Variants in SAP130 observed in about 807,000 individuals in gnomAD.
The protein encoded by SAP130 is Sin3A associated protein 130.
Under a neutral mutation model 103.2 loss-of-function variants are expected in SAP130, and 16 were observed. That is an observed-to-expected ratio of 0.16 (90% confidence interval 0.10 to 0.24). The LOEUF is 0.24. Among genes scored for constraint, SAP130 ranks in the 10% least tolerant of loss-of-function variants. SAP130 has a pLI of 1.00. For missense variants in SAP130, 990 were observed against 1,359.7 expected, an observed-to-expected ratio of 0.73 and a Z score of 4.28; for synonymous variants, 477 against 497.0, an observed-to-expected ratio of 0.96 and a Z score of 0.53.
chr2:127,969,148 G>C (rs1196066587), intron 15 of SAP130, among the ~76,000 whole-genome samples: 1 of 152,178 alleles, frequency 6.6e-6, no homozygotes, highest in Non-Finnish European at 1.5e-5. Flanking sequence ...GACTCAGTGT[G>C]GAGTGGGGTG....
chr2:127,984,115 G>A (rs1682190683), intron 14 of SAP130, among the ~76,000 whole-genome samples: 1 of 151,392 alleles, frequency 6.6e-6, no homozygotes, highest in South Asian at 2.1e-4. Context: ...TTGTCTTTTT[G>A]TTCCACGTTT....
chr2:127,974,889 T>C (rs1170921640), intron 15 of SAP130, among the ~76,000 whole-genome samples: 1 of 152,184 alleles, frequency 6.6e-6, no homozygotes, highest in African/African-American at 2.4e-5. Flanking sequence ...GCCTATAGTA[T>C]TCAGTACAGT....
Position 127,950,483 on chromosome 2 carries a change from CAA to C in SAP130, c.2423-77_2423-76del. On this transcript the variant is annotated intron_variant, in intron 16 of 20. Coordinates refer to ENST00000643581, the MANE Select transcript of SAP130 (RefSeq NM_001330301.2). ...GAAAGTTTCACTTCCTTCCTTCCAA[CAA>C]AGATGATTAAGAAGACAGCACAGAG... The C allele has an allele frequency of 4.6e-6, 7 of 1,536,712 alleles. No individual in the cohort carries two copies. In the South Asian group the frequency reaches 6.0e-5, roughly 13 times the overall value.
chr2:127,986,694 T>C lies in SAP130; in HGVS notation c.1958+91A>G. 1 of 1,345,458 alleles carries C rather than the reference T, an allele frequency of 7.4e-7. No individual in the cohort carries two copies. Among genetic ancestry groups the C allele is most frequent in the Non-Finnish European group, 1.0e-6 (1 of 969,260 alleles). The allele number at this position is 1,345,458 out of a possible 1,614,324, so 83.3% of individuals were successfully genotyped here. ...CACACCACAGAAAATGAGAGATGAG[T>C]TTGATACCAGCATTAGATAAGAGTG... On this transcript the variant is annotated intron_variant, in intron 14 of 20. Transcript: ENST00000643581. This position sits in a 1 kb window ranked among gnomAD's most constrained non-coding sequence, Gnocchi z 4.7.
Position 127,942,902 on chromosome 2 carries a change from C to T in SAP130, c.2902-365G>A, listed in dbSNP as rs944667852. Among the ~76,000 whole-genome samples, 2 of 152,094 alleles carry T rather than the reference C, an allele frequency of 1.3e-5. No individual in the cohort carries two copies. The highest frequency in any genetic ancestry group is 4.8e-5 in the African/African-American group (2 of 41,408). Reference sequence around the variant, plus strand: ...ACTCGGGAGGCTGAGGCAGGAGAATCGCTTGAACCCGGGAGGCAGAGGTTG... The same window carrying T: ...ACTCGGGAGGCTGAGGCAGGAGAATTGCTTGAACCCGGGAGGCAGAGGTTG... On this transcript the variant is annotated intron_variant, in intron 19 of 20. Coordinates refer to ENST00000643581, the MANE Select transcript of SAP130 (RefSeq NM_001330301.2). The surrounding 1 kb of genome is among the most constrained non-coding windows in gnomAD (Gnocchi z 4.8).
intron 15 of SAP130, among the ~76,000 whole-genome samples, chr2:127,971,614 G>A (rs1408708150): frequency 1.3e-5 from 2 of 152,010 alleles, no homozygotes; most frequent in Non-Finnish European, 1.5e-5. Context: ...TATCTTCCAC[G>A]GCCAATACTC....
chr2:127,999,259 G>A (rs891214634), intron 10 of SAP130, among the ~76,000 whole-genome samples: 1 of 152,076 alleles, frequency 6.6e-6, no homozygotes, highest in Non-Finnish European at 1.5e-5. Context: ...GCTCAGAGGG[G>A]CTGGAACCCA....
chr2:127,942,066 C>A lies in SAP130; in HGVS notation c.3114G>T (p.Leu1038=). The change falls in exon 21 of 21, where the codon CTG becomes CTT. Residue 1038 remains leucine, a synonymous_variant. Transcript: ENST00000643581. This position sits in a 1 kb window ranked among gnomAD's most constrained non-coding sequence, Gnocchi z 4.8. The part of the protein sequence containing the change: ...VLDHKDRVLK[L]LNKNGTVKKV... ...TTTTGACAGTCCCGTTCTTGTTAAGCAGCTTCAGGACACGGTCTTTATGAT... is the reference window on the plus strand; with the variant it reads ...TTTTGACAGTCCCGTTCTTGTTAAGAAGCTTCAGGACACGGTCTTTATGAT... The A allele has an allele frequency of 6.2e-7, 1 of 1,611,934 alleles. No individual in the cohort carries two copies. Among genetic ancestry groups the A allele is most frequent in the South Asian group, 1.1e-5 (1 of 90,650 alleles).
intron 15 of SAP130, among the ~76,000 whole-genome samples, chr2:127,972,853 C>T (rs879212410): frequency 4.6e-5 from 7 of 151,962 alleles, no homozygotes; most frequent in African/African-American, 1.5e-4. Flanking sequence ...AGGATCCTTG[C>T]ACCCAGGAGT....
chr2:127,987,002 G>A, intron 13 of SAP130, 40 bp from the exon 14 acceptor site: 1 of 1,561,350 alleles, frequency 6.4e-7, no homozygotes. Flanking sequence ...TTGAAGAGAG[G>A]GAAACAAAAT....
In SAP130 at chr2:128,001,845, CA is replaced by C. The variant is rs372106229; in HGVS notation, c.870-1392del. Among the ~76,000 whole-genome samples, 66 of 145,126 alleles carry C rather than the reference CA, an allele frequency of 4.5e-4. 1 individual carries two copies. The South Asian group carries it at 7.0e-3, about 15-fold the overall frequency. On this transcript the variant is annotated intron_variant, in intron 7 of 20. Coordinates refer to ENST00000643581, the MANE Select transcript of SAP130 (RefSeq NM_001330301.2). ...TGAATGAGTGTAAAACCTCAGAAAG[CA>C]AAAAAAAACCAAAACAAAACTGTAA...
At chr2:128,014,436 G>A (rs1279469597) in intron 5 of SAP130, among the ~76,000 whole-genome samples, 1 of 151,278 alleles carries the variant, frequency 6.6e-6, no homozygotes, top group Non-Finnish European at 1.5e-5. Context: ...AGCCTCCTGA[G>A]TGCCATCCTC....
Position 127,941,643 on chromosome 2 carries a change from C to A in SAP130, c.*363G>T. ...TCCGAGTGGATACTTTCAGTCCAGG[C>A]TCAGTATGGGGCCTGCAGGAATCCA... On this transcript the variant is annotated 3_prime_UTR_variant, in exon 21 of 21. Transcript: ENST00000643581. 4.5e-6 allele frequency: 1 copy of A among 222,144 alleles called. No homozygotes were observed. The highest frequency in any genetic ancestry group is 8.7e-6 in the Non-Finnish European group (1 of 114,768). 13.8% of individuals were successfully genotyped at this position (222,144 alleles called of 1,614,324 possible).
chr2:128,012,902 T>G (rs1684504304), intron 6 of SAP130, 128 bp downstream of exon 6: 4 of 850,682 alleles, frequency 4.7e-6, no homozygotes. Context: ...CATGACACTG[T>G]GCATCTTTCA....
intron 2 of SAP130, among the ~76,000 whole-genome samples, chr2:128,020,255 A>G (rs1685060525): frequency 6.6e-6 from 1 of 152,232 alleles, no homozygotes; most frequent in Non-Finnish European, 1.5e-5. Flanking sequence ...CTGAGTAAAT[A>G]GCACCCAGCT....
At chr2:128,027,185 G>C in intron 1 of SAP130, 1 of 1,238,802 alleles carries the variant, frequency 8.1e-7, no homozygotes, top group Non-Finnish European at 1.0e-6. Context: ...CGATGTGCTC[G>C]GCGGGCGCGG....
intron 7 of SAP130, among the ~76,000 whole-genome samples, chr2:128,005,097 AAC>A (rs1331102174): frequency 6.6e-6 from 1 of 152,236 alleles, no homozygotes; most frequent in Non-Finnish European, 1.5e-5. Context: ...ATGAAATGGA[AAC>A]ACAAAGCAAA....
At chr2:128,011,172 T>C (rs533422495) in intron 6 of SAP130, among the ~76,000 whole-genome samples, 4 of 152,320 alleles carry the variant, frequency 2.6e-5, no homozygotes, top group Non-Finnish European at 4.4e-5. Context: ...AATAGAGCTG[T>C]TGGCTCTCAG....
chr2:127,971,898 C>T lies in SAP130; in HGVS notation c.2063+6087G>A, dbSNP rs184664189. On this transcript the variant is annotated intron_variant, in intron 15 of 20. Coordinates refer to ENST00000643581, the MANE Select transcript of SAP130 (RefSeq NM_001330301.2). ...ATTAATATACTTTGTTGTTCTTTTC[C>T]TATGTTTTAATTTTAATTATCTTCA... is the stretch of plus-strand genomic sequence containing the variant. Among the ~76,000 whole-genome samples, 9 of 152,252 alleles carry T rather than the reference C, an allele frequency of 5.9e-5. No individual in the cohort carries two copies. The East Asian group carries it at 1.7e-3, about 29-fold the overall frequency.
Sources: gnomAD v4.1 joint callset for allele counts (sites outside exome capture counted in the v4.1 genomes callset) on GRCh38, gnomAD v4.1.1 for gene constraint, Gnocchi (gnomAD v3.1) non-coding constraint, MANE v1.5 for transcripts, NCBI Gene and HGNC (gene_info 2026-07-23, HGNC 2026-07-21) for gene names.